Variants in REPS2 observed in about 807,000 individuals in gnomAD.
REPS2 encodes RALBP1 associated Eps domain containing 2.
A neutral mutation model predicts 53.6 loss-of-function variants in REPS2; 23 were observed. The ratio of observed to expected loss-of-function variants is 0.43; its 90% CI spans 0.31 to 0.61. The LOEUF is 0.61. Among genes scored for constraint, REPS2 ranks in the 20% least tolerant of loss-of-function variants. The pLI is 0.11. For missense variants in REPS2, 446 were observed against 534.9 expected (o/e 0.83, Z 1.64); for synonymous variants, 238 against 218.6 (o/e 1.09, Z -0.78).
chrX:16,961,791 A>G (rs1448624656), intron 1 of REPS2, among the ~76,000 whole-genome samples: 3 of 112,226 alleles, frequency 2.7e-5, no homozygotes, highest in Non-Finnish European at 3.8e-5. Context: ...CCAGAACTCA[A>G]TGGTAAGAAA....
At chrX:17,030,803 G>A (rs1050123149) in intron 5 of REPS2, among the ~76,000 whole-genome samples, 1 of 112,231 alleles carries the variant, frequency 8.9e-6, no homozygotes, top group African/African-American at 3.2e-5. Context: ...CAGTGACAGA[G>A]CCAGAATTTG....
intron 3 of REPS2, among the ~76,000 whole-genome samples, chrX:17,022,850 G>A (rs911352913): frequency 1.8e-5 from 2 of 112,182 alleles, no homozygotes; most frequent in African/African-American, 6.5e-5. Flanking sequence ...ATACTATCTT[G>A]GGAAATGCTG....
intron 5 of REPS2, among the ~76,000 whole-genome samples, chrX:17,035,554 G>T (rs1188436641): frequency 9.0e-6 from 1 of 111,092 alleles, no homozygotes; most frequent in African/African-American, 3.3e-5. Context: ...TGGGGTTCAA[G>T]AATTATTTAC....
intron 1 of REPS2, chrX:16,978,722 T>A: frequency 5.8e-6 from 1 of 172,900 alleles, no homozygotes; most frequent in Non-Finnish European, 9.3e-6. Flanking sequence ...TGGCTTTTCT[T>A]AATGTCAGCA....
In REPS2 at chrX:17,030,229, G is replaced by C. The variant is rs962304831; in HGVS notation, c.771+606G>C. The stretch of plus-strand genomic sequence containing the variant: ...TGCAGTGTTTTCCTTTGGATAAAGA[G>C]CTCTTATTTTGTTCTCTGTCTGCAG... On this transcript the variant is annotated intron_variant, in intron 5 of 17. Transcript: ENST00000357277. 6.3e-5 allele frequency among the ~76,000 whole-genome samples: 7 copies of C among 111,618 alleles called. No individual in the cohort carries two copies. The East Asian group carries it at 2.0e-3, about 31-fold the overall frequency.
At chrX:17,088,279 A>G (rs1480428697) in intron 13 of REPS2, among the ~76,000 whole-genome samples, 1 of 111,688 alleles carries the variant, frequency 9.0e-6, no homozygotes, top group Non-Finnish European at 1.9e-5. Flanking sequence ...GCTTAGGAGG[A>G]ATGCATTTGT....
At chrX:16,947,156 CCCTGCGGG>C in intron 1 of REPS2, 22 bp downstream of exon 1, 9 of 1,037,408 alleles carry the variant, frequency 8.7e-6, no homozygotes, top group Non-Finnish European at 1.1e-5. Flanking sequence ...CGCCTCCTGT[CCCTGCGGG>C]TCTGTGGGGC....
intron 1 of REPS2, among the ~76,000 whole-genome samples, chrX:16,987,011 A>G (rs1165291293): frequency 9.2e-6 from 1 of 108,757 alleles, no homozygotes. Flanking sequence ...CTGGGTCCAA[A>G]TGATACTCCC....
At chrX:17,061,379 A>G (rs765857016) in intron 8 of REPS2, among the ~76,000 whole-genome samples, 28 of 112,155 alleles carry the variant, frequency 2.5e-4, no homozygotes, top group Non-Finnish European at 4.7e-4. Context: ...GGCTCGAGCA[A>G]TCCTCCTGCC....
intron 14 of REPS2, among the ~76,000 whole-genome samples, chrX:17,123,625 C>G (rs2063170048): frequency 8.9e-6 from 1 of 112,354 alleles, no homozygotes. Flanking sequence ...GATTGGTCTA[C>G]CGAGGGGGGT....
chrX:17,038,029 A>G (rs1388992769), intron 5 of REPS2, among the ~76,000 whole-genome samples: 3 of 111,870 alleles, frequency 2.7e-5, no homozygotes, highest in Middle Eastern at 4.7e-3. Flanking sequence ...GTATTATTAC[A>G]TCTTCCATTT....
intron 13 of REPS2, chrX:17,099,699 G>A (rs764241548): frequency 1.7e-4 from 79 of 467,135 alleles, no homozygotes; most frequent in Non-Finnish European, 2.8e-4. Context: ...CCTCTATGGT[G>A]TCAAGACAAG....
the REPS2 span, among the ~76,000 whole-genome samples, chrX:17,182,259 C>T: frequency 3.6e-5 from 4 of 110,276 alleles, no homozygotes; most frequent in African/African-American, 6.6e-5. Context: ...GTCTGGCTAC[C>T]GTGTGGCTGA....
intron 5 of REPS2, among the ~76,000 whole-genome samples, chrX:17,039,557 G>A (rs1455687829): frequency 8.9e-6 from 1 of 112,233 alleles, no homozygotes; most frequent in African/African-American, 3.2e-5. Context: ...CATAGTCATA[G>A]CTCAAGCACA....
At chrX:16,981,129 T>C (rs2061015036) in intron 1 of REPS2, among the ~76,000 whole-genome samples, 1 of 111,910 alleles carries the variant, frequency 8.9e-6, no homozygotes, top group African/African-American at 3.3e-5. Context: ...TTGTGGATTG[T>C]GGTAGGAGTC....
At chrX:17,103,696 T>C (rs1405105421) in intron 13 of REPS2, 22 bp from the exon 14 acceptor site, 6 of 1,200,327 alleles carry the variant, frequency 5.0e-6, no homozygotes, top group East Asian at 3.0e-5. Flanking sequence ...TGATCCTTAA[T>C]AGTATGTGTT....
intron 1 of REPS2, among the ~76,000 whole-genome samples, chrX:16,950,831 C>T (rs987223222): frequency 1.8e-5 from 2 of 112,622 alleles, no homozygotes; most frequent in Admixed American, 1.9e-4. Flanking sequence ...GGGAGGATTG[C>T]TTGAGGCCAG....
At chrX:17,145,611 T>A (rs1380976304) in intron 17 of REPS2, among the ~76,000 whole-genome samples, 1 of 111,147 alleles carries the variant, frequency 9.0e-6, no homozygotes, top group Non-Finnish European at 1.9e-5. Context: ...GATTCAAGAT[T>A]TATCTAGAAT....
intron 13 of REPS2, among the ~76,000 whole-genome samples, chrX:17,079,258 C>T (rs372000453): frequency 2.6e-4 from 29 of 111,622 alleles, no homozygotes; most frequent in Admixed American, 1.2e-3. Context: ...CCCATATTCC[C>T]GTGGCCTGCA....
Sources: gnomAD v4.1 joint callset for allele counts (sites outside exome capture counted in the v4.1 genomes callset) on GRCh38, gnomAD v4.1.1 for gene constraint, MANE v1.5 for transcripts, NCBI Gene and HGNC (gene_info 2026-07-23, HGNC 2026-07-21) for gene names.